PKHD1L1: variants seen among roughly 807,000 people sequenced by gnomAD.
PKHD1L1 encodes fibrocystin-L.
PKHD1L1 carries 434 observed loss-of-function variants against 462.9 expected under a neutral mutation model. That is an observed-to-expected ratio of 0.94 (90% confidence interval 0.87 to 1.02). PKHD1L1 has a LOEUF of 1.02. Among genes scored for constraint, PKHD1L1 ranks in the 50% least tolerant of loss-of-function variants. PKHD1L1 has a pLI of 0.00. For missense variants in PKHD1L1, 5,202 were observed against 5,096.1 expected (o/e 1.02, Z -0.63); for synonymous variants, 1,781 against 1,750.0 (o/e 1.02, Z -0.44).
At chr8:109,398,904 A>T (rs114110204) in intron 12 of PKHD1L1, among the ~76,000 whole-genome samples, 2,038 of 152,302 alleles carry the variant, frequency 0.013, 41 homozygotes, top group African/African-American at 0.039. Flanking sequence ...GATTAAAAAA[A>T]GATAAATAGG....
At chr8:109,456,062 T>C (rs1008252416) in intron 45 of PKHD1L1, among the ~76,000 whole-genome samples, 200 bp from the exon 46 acceptor site, 5 of 152,234 alleles carry the variant, frequency 3.3e-5, no homozygotes, top group African/African-American at 1.2e-4. Context: ...TATAGTCATA[T>C]ACATGTCATT....
At position 109,466,773 on chromosome 8, in the gene PKHD1L1, A is replaced by G; in HGVS notation, c.8605+4A>G. On this transcript the variant is annotated splice_donor_region_variant and intron_variant, in intron 50 of 77. Coordinates refer to ENST00000378402, the MANE Select transcript of PKHD1L1 (RefSeq NM_177531.6). ...GTGGTTCTTTCAGACTCTTTTGGTA[A>G]GTGGAATATATTAGTTTAAACAACT... 6.2e-7 allele frequency: 1 copy of G among 1,605,006 alleles called. No homozygotes were observed. The highest frequency in any genetic ancestry group is 8.5e-7 in the Non-Finnish European group (1 of 1,175,886).
rs895915173 is a variant in PKHD1L1, at chr8:109,419,893, A to C, written c.2525-625A>C. ...TTTCTTTGGAACTGCTTTCAAGTGC[A>C]AGGTGGTGAGTTAACTGATTTTTTT... On this transcript the variant is annotated intron_variant, in intron 22 of 77. Transcript: ENST00000378402. Among the ~76,000 whole-genome samples the C allele has an allele frequency of 2.0e-5, 3 of 147,322 alleles. No homozygotes were observed. In the East Asian group the frequency reaches 5.9e-4, roughly 29 times the overall value.
Position 109,407,093 on chromosome 8 carries a change from C to T in PKHD1L1, c.1813+615C>T, listed in dbSNP as rs762796189. ...GACATTCTGCCTTCAAGTCAGACTTCGCAACTAATTTGGCTTTTTGGTATA... is the reference window on the plus strand; with the variant it reads ...GACATTCTGCCTTCAAGTCAGACTTTGCAACTAATTTGGCTTTTTGGTATA... On this transcript the variant is annotated intron_variant, in intron 17 of 77. Coordinates refer to ENST00000378402, the MANE Select transcript of PKHD1L1 (RefSeq NM_177531.6). 3.3e-5 allele frequency among the ~76,000 whole-genome samples: 5 copies of T among 152,098 alleles called. No homozygotes were observed. In the South Asian group the frequency reaches 6.2e-4, roughly 19 times the overall value.
Position 109,450,978 on chromosome 8 carries a change from C to T in PKHD1L1, c.6179C>T (p.Thr2060Met), listed in dbSNP as rs368024385. The stretch of plus-strand genomic sequence containing the variant: ...CAGTCTGATCTTCCTTTCATAGGCA[C>T]GGGAGCTGAGCAAGCCTGTGAAGTG... Reference protein sequence around the residue: ...LLCEIPSNNGTGAEQACEVSV... With the variant: ...LLCEIPSNNGMGAEQACEVSV... Residue 2060 changes from threonine to methionine, a missense_variant, in exon 41 of 78, where the codon ACG becomes ATG. This residue lies in a region of PKHD1L1 where 4,497 missense variants were observed against 4,336.8 expected (regional missense o/e 1.04). Coordinates refer to ENST00000378402, the MANE Select transcript of PKHD1L1 (RefSeq NM_177531.6). The T allele has an allele frequency of 1.3e-5, 21 of 1,596,950 alleles. No homozygotes were observed. In the African/African-American group the frequency reaches 1.6e-4, roughly 12 times the overall value.
At chr8:109,467,687 T>G (rs1649459202) in intron 50 of PKHD1L1, among the ~76,000 whole-genome samples, 1 of 152,192 alleles carries the variant, frequency 6.6e-6, no homozygotes, top group South Asian at 2.1e-4. Flanking sequence ...TATCTATTTA[T>G]AATGAATCCA....
chr8:109,500,271 A>G (rs139064615), intron 67 of PKHD1L1, among the ~76,000 whole-genome samples: 2 of 151,940 alleles, frequency 1.3e-5, no homozygotes, highest in African/African-American at 2.4e-5. Flanking sequence ...CATAAATGAT[A>G]CTCATCATCT....
intron 71 of PKHD1L1, among the ~76,000 whole-genome samples, chr8:109,514,702 G>C (rs1467216819): frequency 6.6e-6 from 1 of 152,070 alleles, no homozygotes; most frequent in East Asian, 1.9e-4. Flanking sequence ...CATGAAAAAT[G>C]AATAAAATTG....
chr8:109,442,687 G>A (rs1815868408), intron 35 of PKHD1L1, among the ~76,000 whole-genome samples: 1 of 151,986 alleles, frequency 6.6e-6, no homozygotes, highest in Admixed American at 6.6e-5. Flanking sequence ...TTTAAATTTT[G>A]GTGTGTTATG....
chr8:109,519,918 T>G (rs1272473616), intron 73 of PKHD1L1, among the ~76,000 whole-genome samples: 1 of 152,158 alleles, frequency 6.6e-6, no homozygotes, highest in Non-Finnish European at 1.5e-5. Context: ...TGTGTAAACC[T>G]GGGTACTGGG....
At chr8:109,414,783 C>T (rs1252545854) in intron 21 of PKHD1L1, among the ~76,000 whole-genome samples, 1 of 151,656 alleles carries the variant, frequency 6.6e-6, no homozygotes. Flanking sequence ...GGAAATAGAA[C>T]CAAATGTTGA....
chr8:109,466,038 T>C (rs140307484), intron 49 of PKHD1L1, among the ~76,000 whole-genome samples: 1 of 152,304 alleles, frequency 6.6e-6, no homozygotes, highest in East Asian at 1.9e-4. Flanking sequence ...TTTGAAAGAC[T>C]CTGAAGGATG....
At chr8:109,530,017 T>C in intron 77 of PKHD1L1, 63 bp from the exon 78 acceptor site, 1 of 992,656 alleles carries the variant, frequency 1.0e-6, no homozygotes, top group Non-Finnish European at 1.4e-6. Context: ...ATGAAATATA[T>C]TTTAAATTAT....
Position 109,396,075 on chromosome 8 carries a change from C to T in PKHD1L1, c.860C>T (p.Thr287Met), listed in dbSNP as rs368657255. The T allele has an allele frequency of 1.4e-5, 22 of 1,609,104 alleles. No homozygotes were observed. The highest frequency in any genetic ancestry group is 1.7e-4 in the Middle Eastern group (1 of 6,058). ...PSQGSIRGGT[T>M]LTISGRFFDQ... Reference sequence around the variant, plus strand: ...CAAGGAAGCATTCGAGGTGGCACCACGCTGACAATAAGTGGGCGTTTCTTT... The same window carrying T: ...CAAGGAAGCATTCGAGGTGGCACCATGCTGACAATAAGTGGGCGTTTCTTT... Residue 287 changes from threonine (T) to methionine (M), a missense_variant, in exon 11 of 78, where the codon ACG (threonine) becomes ATG (methionine). Thr to Met is a moderately conservative substitution (Grantham distance 81, BLOSUM62 -1). Coordinates refer to ENST00000378402, the MANE Select transcript of PKHD1L1 (RefSeq NM_177531.6).
At position 109,413,469 on chromosome 8, in the gene PKHD1L1, T is replaced by C. The variant is rs778731785; in HGVS notation, c.2284T>C (p.Phe762Leu). ...CCTGGCAAATTATATTGGTCTAAAA[T>C]TTCAGTACCAAGACAATAGCAAGAT... ...GFLANYIGLK[F>L]QYQDNSKITR... Residue 762 changes from phenylalanine to leucine, a missense_variant, in exon 21 of 78, where the codon TTT (phenylalanine) becomes CTT (leucine). Physicochemically the swap from Phe to Leu is conservative, Grantham distance 22 (BLOSUM62 0). This residue lies in a region of PKHD1L1 where 4,497 missense variants were observed against 4,336.8 expected (regional missense o/e 1.04). Transcript: ENST00000378402. 2.5e-6 allele frequency: 4 copies of C among 1,581,994 alleles called. No individual in the cohort carries two copies. In the African/African-American group the frequency reaches 4.0e-5, roughly 16 times the overall value.
chr8:109,390,569 G>T, intron 9 of PKHD1L1, 75 bp downstream of exon 9: 1 of 861,196 alleles, frequency 1.2e-6, no homozygotes, highest in Non-Finnish European at 1.7e-6. Context: ...TATTTAGTTT[G>T]TGCTGTAGAT....
chr8:109,461,191 A>G (rs965109790), intron 47 of PKHD1L1, among the ~76,000 whole-genome samples: 15 of 152,184 alleles, frequency 9.9e-5, no homozygotes, highest in African/African-American at 3.1e-4. Flanking sequence ...TAGTTGAACA[A>G]TAACTGATGC....
Position 109,452,267 on chromosome 8 carries a change from G to A in PKHD1L1, c.6494G>A (p.Gly2165Asp), listed in dbSNP as rs367909624. ...GTTTGTGTCCACATCAGAGGTGTCG[G>A]CATGGCCAAACTGGTAATAGTGCTG... ...APVCVHIRGV[G>D]MAKLDNADFL... Residue 2165 changes from glycine to aspartate, a missense_variant, in exon 42 of 78, where the codon GGC becomes GAC. Transcript: ENST00000378402. 10 of 1,601,622 alleles carry A rather than the reference G, an allele frequency of 6.2e-6. No homozygotes were observed. The African/African-American group carries it at 1.2e-4, about 19-fold the overall frequency.
chr8:109,375,169 G>T (rs1329707558), intron 2 of PKHD1L1, among the ~76,000 whole-genome samples: 1 of 152,100 alleles, frequency 6.6e-6, no homozygotes, highest in South Asian at 2.1e-4. Flanking sequence ...TTTTCACATA[G>T]TCCCATATTT....
Sources: allele counts gnomAD v4.1 joint callset (sites outside exome capture counted in the v4.1 genomes callset), GRCh38; gene constraint gnomAD v4.1.1; regional missense constraint gnomAD v4.1.1; transcripts MANE v1.5; gene names NCBI Gene and HGNC (gene_info 2026-07-23, HGNC 2026-07-21).